Variants in TRPM3 observed in about 807,000 individuals in gnomAD.
TRPM3 encodes long transient receptor potential channel 3.
In TRPM3, 77 loss-of-function variants were observed where a neutral mutation model predicts 181.2. That is an observed-to-expected ratio of 0.42 (90% CI 0.35 to 0.51). The LOEUF (loss-of-function observed/expected upper bound fraction) is 0.51. TRPM3 is among the 20% of genes least tolerant of loss of function. The pLI is 0.01. For synonymous variants in TRPM3, 745 were observed against 796.4 expected, an observed-to-expected ratio of 0.94 and a Z score of 1.09; for missense variants, 1,759 against 2,196.7, an observed-to-expected ratio of 0.80 and a Z score of 3.98.
At chr9:71,024,326 A>G (rs1358009535) in intron 1 of TRPM3, among the ~76,000 whole-genome samples, 1 of 152,212 alleles carries the variant, frequency 6.6e-6, no homozygotes, top group Non-Finnish European at 1.5e-5. Context: ...CACTATCAGG[A>G]TCTGGAAAAG....
chr9:70,888,326 A>C (rs1328435288), intron 1 of TRPM3, among the ~76,000 whole-genome samples: 1 of 149,976 alleles, frequency 6.7e-6, no homozygotes, highest in South Asian at 2.1e-4. Context: ...GATTAATGGG[A>C]GTTAGGAGTA....
chr9:71,267,517 T>C (rs1268823339), intron 1 of TRPM3, among the ~76,000 whole-genome samples: 1 of 152,038 alleles, frequency 6.6e-6, no homozygotes, highest in Non-Finnish European at 1.5e-5. Context: ...CAGCTCCTTA[T>C]CCCCAGGCCA....
chr9:70,698,089 T>C (rs569387091), intron 8 of TRPM3, among the ~76,000 whole-genome samples: 2 of 151,668 alleles, frequency 1.3e-5, no homozygotes, highest in Admixed American at 1.3e-4. Flanking sequence ...CAGCTTGTAG[T>C]CCCAGCTACT....
intron 10 of TRPM3, among the ~76,000 whole-genome samples, chr9:70,639,990 C>T (rs1408816824): frequency 6.6e-6 from 1 of 152,172 alleles, no homozygotes. Context: ...ATACATATCC[C>T]ACCTGATGGC....
At chr9:71,243,837 A>G (rs2081872438) in intron 1 of TRPM3, among the ~76,000 whole-genome samples, 1 of 152,200 alleles carries the variant, frequency 6.6e-6, no homozygotes, top group African/African-American at 2.4e-5. Context: ...AACAAAGCCA[A>G]TGGGCTGTTA....
intron 1 of TRPM3, among the ~76,000 whole-genome samples, chr9:71,254,562 T>A (rs1194261723): frequency 1.3e-5 from 2 of 152,206 alleles, no homozygotes; most frequent in Non-Finnish European, 2.9e-5. Context: ...CCACAATGTA[T>A]ACATATTTTA....
Position 70,625,627 on chromosome 9 carries a change from A to T in TRPM3, c.1633-110T>A. 8.9e-7 allele frequency: 1 copy of T among 1,124,180 alleles called. No homozygotes were observed. Among genetic ancestry groups the T allele is most frequent in the South Asian group, 1.4e-5 (1 of 70,320 alleles). The allele number at this position is 1,124,180 out of a possible 1,614,324, so 69.6% of individuals were successfully genotyped here. On this transcript the variant is annotated intron_variant, in intron 12 of 25. Transcript: ENST00000677713. This position sits in a 1 kb window ranked among gnomAD's most constrained non-coding sequence, Gnocchi z 4.8. ...GCTGGGGAGAAAAAAACACCAGTGT[A>T]GAAGAAAGAAACACAAGGCTAGACA...
At chr9:71,159,119 G>GAC (rs2076151537) in intron 1 of TRPM3, among the ~76,000 whole-genome samples, 1 of 151,506 alleles carries the variant, frequency 6.6e-6, no homozygotes, top group Admixed American at 6.6e-5. Context: ...GAGAGAGAGA[G>GAC]AGAGAGAGAG....
intron 1 of TRPM3, among the ~76,000 whole-genome samples, chr9:71,243,417 G>A (rs1024021330): frequency 6.6e-6 from 1 of 152,182 alleles, no homozygotes; most frequent in Admixed American, 6.5e-5. Flanking sequence ...CTGGAAGAGT[G>A]TCTTCCTGAC....
chr9:71,218,848 G>C (rs1339841808), intron 1 of TRPM3, among the ~76,000 whole-genome samples: 1 of 152,166 alleles, frequency 6.6e-6, no homozygotes, highest in Non-Finnish European at 1.5e-5. Context: ...GTCCACAATG[G>C]TTTACCCATC....
chr9:71,396,589 C>T (rs1001417668), intron 1 of TRPM3, among the ~76,000 whole-genome samples: 1 of 151,884 alleles, frequency 6.6e-6, no homozygotes, highest in African/African-American at 2.4e-5. Flanking sequence ...ACAGGAGTTT[C>T]CTCAGGAGAA....
At chr9:71,368,136 A>G (rs2092400757) in intron 1 of TRPM3, among the ~76,000 whole-genome samples, 1 of 150,540 alleles carries the variant, frequency 6.6e-6, no homozygotes, top group East Asian at 2.0e-4. Context: ...TTTTTTTTAG[A>G]TGTGCCACAG....
intron 1 of TRPM3, among the ~76,000 whole-genome samples, chr9:71,039,284 A>G (rs997260499): frequency 3.3e-5 from 5 of 152,194 alleles, no homozygotes; most frequent in African/African-American, 1.2e-4. Flanking sequence ...TGCAGAATCA[A>G]GAATTCAAAA....
chr9:71,004,813 TAAAG>T (rs2097656079), intron 1 of TRPM3, among the ~76,000 whole-genome samples: 1 of 151,900 alleles, frequency 6.6e-6, no homozygotes, highest in Non-Finnish European at 1.5e-5. Context: ...ATTCTAGAAA[TAAAG>T]GATACAATAA....
At chr9:70,926,368 T>G (rs145317289) in intron 1 of TRPM3, among the ~76,000 whole-genome samples, 1 of 152,156 alleles carries the variant, frequency 6.6e-6, no homozygotes, top group Non-Finnish European at 1.5e-5. Context: ...CTGTAAAAAT[T>G]TGTGGCCATA....
intron 2 of TRPM3, among the ~76,000 whole-genome samples, chr9:70,864,037 C>T (rs1050359967): frequency 2.0e-5 from 3 of 152,044 alleles, no homozygotes; most frequent in Non-Finnish European, 4.4e-5. Context: ...TGAAGGTATA[C>T]AGTTTAGTTA....
intron 1 of TRPM3, among the ~76,000 whole-genome samples, chr9:71,041,690 C>T (rs2058840969): frequency 6.6e-6 from 1 of 152,134 alleles, no homozygotes; most frequent in South Asian, 2.1e-4. Flanking sequence ...CCAACTGCTA[C>T]TGTCTTTGAT....
intron 20 of TRPM3, among the ~76,000 whole-genome samples, chr9:70,599,709 C>T (rs1423435282): frequency 6.6e-6 from 1 of 152,198 alleles, no homozygotes; most frequent in Non-Finnish European, 1.5e-5. Context: ...TTTAGGAAGG[C>T]CTTTTTTGAT....
intron 1 of TRPM3, among the ~76,000 whole-genome samples, chr9:71,277,281 T>C (rs2084289222): frequency 6.6e-6 from 1 of 152,222 alleles, no homozygotes; most frequent in Non-Finnish European, 1.5e-5. Context: ...GTGCTCAAGC[T>C]TGTCTGAAAT....
Sources: allele counts gnomAD v4.1 joint callset (sites outside exome capture counted in the v4.1 genomes callset), GRCh38; gene constraint gnomAD v4.1.1; non-coding constraint Gnocchi (gnomAD v3.1); transcripts MANE v1.5; gene names NCBI Gene and HGNC (gene_info 2026-07-23, HGNC 2026-07-21).